The following TAFA1 variants were observed in gnomAD, a reference collection of about 807,000 sequenced individuals.
The protein encoded by TAFA1 is TAFA chemokine like family member 1.
TAFA1 carries 4 observed loss-of-function variants against 18.5 expected under a neutral mutation model. That is an observed-to-expected ratio of 0.22 (90% CI 0.11 to 0.49). The LOEUF (loss-of-function observed/expected upper bound fraction) is 0.49. TAFA1 is among the 20% of genes least tolerant of loss of function. The pLI is 0.98. For synonymous variants in TAFA1, 56 were observed against 55.2 expected (o/e 1.01, Z -0.06); for missense variants, 147 against 169.0 (o/e 0.87, Z 0.72).
At chr3:68,510,427 C>T (rs1377858346) in intron 3 of TAFA1, among the ~76,000 whole-genome samples, 1 of 152,054 alleles carries the variant, frequency 6.6e-6, no homozygotes, top group Non-Finnish European at 1.5e-5. Flanking sequence ...TCTTGAACTA[C>T]AGGAAGCACA....
intron 2 of TAFA1, among the ~76,000 whole-genome samples, chr3:68,081,975 C>T (rs767152325): frequency 1.2e-4 from 18 of 152,192 alleles, no homozygotes; most frequent in South Asian, 2.1e-4. Flanking sequence ...ACTCCATGGG[C>T]GTAGGACCCT....
At chr3:68,024,716 C>G (rs1277529308) in intron 2 of TAFA1, among the ~76,000 whole-genome samples, 1 of 151,770 alleles carries the variant, frequency 6.6e-6, no homozygotes, top group African/African-American at 2.4e-5. Context: ...TAGCTTTAAT[C>G]TCTCACCTCC....
At chr3:68,538,168 A>G (rs1352772753) in intron 3 of TAFA1, among the ~76,000 whole-genome samples, 1 of 152,062 alleles carries the variant, frequency 6.6e-6, no homozygotes, top group African/African-American at 2.4e-5. Context: ...GTCTGAAAAA[A>G]TCTCAGTCAA....
chr3:68,381,104 G>C (rs1449192207), intron 2 of TAFA1, among the ~76,000 whole-genome samples: 1 of 59,860 alleles, frequency 1.7e-5, no homozygotes, highest in Non-Finnish European at 3.2e-5. Context: ...ATTTCTGAGG[G>C]CTCTGTTCTG....
At chr3:68,017,547 T>C (rs931586237) in intron 2 of TAFA1, among the ~76,000 whole-genome samples, 5 of 152,180 alleles carry the variant, frequency 3.3e-5, no homozygotes, top group African/African-American at 9.7e-5. Context: ...CCATCCCTTA[T>C]GTGGGTTAAT....
At chr3:68,492,344 C>T (rs987406431) in intron 3 of TAFA1, among the ~76,000 whole-genome samples, 1 of 152,014 alleles carries the variant, frequency 6.6e-6, no homozygotes, top group Non-Finnish European at 1.5e-5. Flanking sequence ...AAGTACTTTC[C>T]AAAATACTCA....
At chr3:68,086,171 C>G (rs1306212278) in intron 2 of TAFA1, among the ~76,000 whole-genome samples, 2 of 152,172 alleles carry the variant, frequency 1.3e-5, no homozygotes, top group African/African-American at 4.8e-5. Context: ...ATGAGGTAAA[C>G]CACCTAAGGT....
intron 2 of TAFA1, among the ~76,000 whole-genome samples, chr3:68,372,508 T>A (rs1277831577): frequency 6.6e-6 from 1 of 152,200 alleles, no homozygotes; most frequent in Non-Finnish European, 1.5e-5. Flanking sequence ...GGACTACCAA[T>A]CTTTGGTGTT....
At chr3:68,432,012 G>A (rs2071184481) in intron 3 of TAFA1, among the ~76,000 whole-genome samples, 1 of 151,924 alleles carries the variant, frequency 6.6e-6, no homozygotes, top group Non-Finnish European at 1.5e-5. Context: ...ACAATGTCTG[G>A]AATTTACAGG....
intron 3 of TAFA1, among the ~76,000 whole-genome samples, chr3:68,535,376 A>G (rs2073260785): frequency 6.6e-6 from 1 of 151,440 alleles, no homozygotes; most frequent in Non-Finnish European, 1.5e-5. Flanking sequence ...GAGCACTGCC[A>G]TCAAAAAGAA....
At chr3:68,184,333 A>T (rs954747392) in intron 2 of TAFA1, among the ~76,000 whole-genome samples, 6 of 152,134 alleles carry the variant, frequency 3.9e-5, no homozygotes, top group Non-Finnish European at 7.4e-5. Flanking sequence ...CCTGAAAGCA[A>T]ATATCAGGTT....
intron 2 of TAFA1, among the ~76,000 whole-genome samples, chr3:68,131,003 A>G (rs181413602): frequency 1.3e-5 from 2 of 152,284 alleles, no homozygotes; most frequent in African/African-American, 4.8e-5. Context: ...CCACGAAAAC[A>G]GGGAGCTTTT....
intron 2 of TAFA1, among the ~76,000 whole-genome samples, chr3:68,183,112 G>C (rs959099274): frequency 4.6e-5 from 7 of 152,122 alleles, no homozygotes; most frequent in Non-Finnish European, 1.0e-4. Context: ...TAGTATACCT[G>C]CCCCATCGCT....
intron 2 of TAFA1, among the ~76,000 whole-genome samples, chr3:68,341,965 A>G (rs1343582558): frequency 6.6e-6 from 1 of 152,116 alleles, no homozygotes; most frequent in Non-Finnish European, 1.5e-5. Context: ...TGGCATTTTG[A>G]GTTGGTGGTT....
intron 2 of TAFA1, among the ~76,000 whole-genome samples, chr3:68,329,321 C>A (rs1553676317): frequency 6.6e-6 from 1 of 150,754 alleles, no homozygotes; most frequent in Non-Finnish European, 1.5e-5. Flanking sequence ...CTGCCTTGGC[C>A]TCCCAAAGTG....
chr3:68,068,579 T>C (rs917318997), intron 2 of TAFA1, among the ~76,000 whole-genome samples: 1 of 152,208 alleles, frequency 6.6e-6, no homozygotes, highest in Non-Finnish European at 1.5e-5. Flanking sequence ...AATATATCTG[T>C]ATTTTTTCTT....
At chr3:68,370,343 T>TAC (rs2069662756) in intron 2 of TAFA1, among the ~76,000 whole-genome samples, 1 of 58,862 alleles carries the variant, frequency 1.7e-5, no homozygotes, top group Non-Finnish European at 3.1e-5. Context: ...TATATATATA[T>TAC]ATATATATAT....
chr3:68,516,810 T>C (rs1201345174), intron 3 of TAFA1, among the ~76,000 whole-genome samples: 1 of 152,174 alleles, frequency 6.6e-6, no homozygotes, highest in African/African-American at 2.4e-5. Context: ...AGTCTTGCTC[T>C]GTCACCCAGG....
chr3:68,486,241 TG>T (rs1323129416), intron 3 of TAFA1, among the ~76,000 whole-genome samples: 1 of 151,942 alleles, frequency 6.6e-6, no homozygotes, highest in African/African-American at 2.4e-5. Context: ...ATTACAGATG[TG>T]GGCCACCAGC....
Sources: gnomAD v4.1 joint callset for allele counts (sites outside exome capture counted in the v4.1 genomes callset) on GRCh38, gnomAD v4.1.1 for gene constraint, MANE v1.5 for transcripts, NCBI Gene and HGNC (gene_info 2026-07-23, HGNC 2026-07-21) for gene names.